HPSE2: variants seen among roughly 807,000 people sequenced by gnomAD.
The protein encoded by HPSE2 is inactive heparanase-2.
In HPSE2, 38 loss-of-function variants were observed where a neutral mutation model predicts 60.5. That is an observed-to-expected ratio of 0.63 (90% CI 0.48 to 0.82). The LOEUF is 0.82. HPSE2 is among the 40% of genes least tolerant of loss of function. HPSE2 has a pLI of 0.00. For missense variants in HPSE2, 713 were observed against 740.4 expected (o/e 0.96, Z 0.43); for synonymous variants, 295 against 293.2 (o/e 1.01, Z -0.06).
chr10:98,926,965 G>C (rs989166216), intron 3 of HPSE2, among the ~76,000 whole-genome samples: 6 of 152,154 alleles, frequency 3.9e-5, no homozygotes, highest in Admixed American at 6.5e-5. Flanking sequence ...TTGCACTGGG[G>C]TCTGAGAGAC....
At chr10:98,806,974 T>C (rs1589858343) in intron 3 of HPSE2, among the ~76,000 whole-genome samples, 1 of 152,140 alleles carries the variant, frequency 6.6e-6, no homozygotes, top group South Asian at 2.1e-4. Context: ...AAACCCCATC[T>C]CTACTAAAAA....
chr10:98,743,793 C>G, intron 4 of HPSE2, 90 bp downstream of exon 4: 2 of 1,200,670 alleles, frequency 1.7e-6, no homozygotes, highest in Non-Finnish European at 2.5e-6. Context: ...GGCCAGGGTA[C>G]TAGAGATGGT....
intron 3 of HPSE2, among the ~76,000 whole-genome samples, chr10:98,973,398 A>G (rs1956007019): frequency 1.3e-5 from 2 of 152,348 alleles, no homozygotes; most frequent in South Asian, 4.1e-4. Context: ...AGCATCTTTC[A>G]TAAGAAAGCT....
chr10:98,709,998 T>A (rs1245714457), intron 5 of HPSE2, among the ~76,000 whole-genome samples: 1 of 152,208 alleles, frequency 6.6e-6, no homozygotes, highest in Non-Finnish European at 1.5e-5. Context: ...ACAAAGAGAA[T>A]CTTTGGTTAT....
At chr10:98,624,928 C>G (rs550084905) in intron 7 of HPSE2, among the ~76,000 whole-genome samples, 45 of 152,180 alleles carry the variant, frequency 3.0e-4, no homozygotes, top group Non-Finnish European at 6.5e-4. Flanking sequence ...ATTATTCTTA[C>G]GGTTTGGTGG....
At position 98,881,738 on chromosome 10, in the gene HPSE2, G is replaced by A. The variant is rs181249102; in HGVS notation, c.611-137682C>T. Among the ~76,000 whole-genome samples, 8 of 152,118 alleles carry A rather than the reference G, an allele frequency of 5.3e-5. No homozygotes were observed. The East Asian group carries it at 7.7e-4, about 15-fold the overall frequency. On this transcript the variant is annotated intron_variant, in intron 3 of 11. Transcript: ENST00000370552. ...GAACAATCAAAATGGAGAAGAACCCGAAATCACTGTGATGATGTTTAGTTA... is the reference window on the plus strand; with the variant it reads ...GAACAATCAAAATGGAGAAGAACCCAAAATCACTGTGATGATGTTTAGTTA...
chr10:98,713,771 A>G (rs1333234715), intron 5 of HPSE2, among the ~76,000 whole-genome samples: 1 of 151,938 alleles, frequency 6.6e-6, no homozygotes, highest in Non-Finnish European at 1.5e-5. Flanking sequence ...TATTCTCCAG[A>G]GCATACTTAA....
chr10:99,093,298 A>G lies in HPSE2; in HGVS notation c.610+50940T>C, dbSNP rs1482000067. Among the ~76,000 whole-genome samples the G allele has an allele frequency of 2.0e-5, 3 of 152,220 alleles. No homozygotes were observed. In the East Asian group the frequency reaches 5.8e-4, roughly 29 times the overall value. On this transcript the variant is annotated intron_variant, in intron 3 of 11. Coordinates refer to ENST00000370552, the MANE Select transcript of HPSE2 (RefSeq NM_021828.5). ...CAGCTCTGTTAACTAGCTATCAATC[A>G]TAACTGTCTTGTTAAAATTTTTGCA...
intron 9 of HPSE2, among the ~76,000 whole-genome samples, chr10:98,522,620 G>A (rs528252496): frequency 6.6e-6 from 1 of 152,074 alleles, no homozygotes; most frequent in Non-Finnish European, 1.5e-5. Context: ...GATTACAGGC[G>A]CCCACCACAA....
chr10:98,723,866 T>A (rs548539838), intron 4 of HPSE2, among the ~76,000 whole-genome samples: 1 of 152,312 alleles, frequency 6.6e-6, no homozygotes, highest in South Asian at 2.1e-4. Flanking sequence ...TTCTTCTTTA[T>A]TAGTCTTGCT....
intron 3 of HPSE2, among the ~76,000 whole-genome samples, chr10:98,940,592 T>C (rs1216786800): frequency 4.2e-5 from 6 of 141,322 alleles, no homozygotes; most frequent in African/African-American, 1.5e-4. Context: ...CAATAATCAA[T>C]AGCTTACCAA....
chr10:98,603,959 G>T (rs930890793), intron 9 of HPSE2, among the ~76,000 whole-genome samples: 29 of 152,134 alleles, frequency 1.9e-4, no homozygotes, highest in Admixed American at 1.8e-3. Context: ...GAAGTTCACA[G>T]TCCAAAGGCA....
At chr10:99,102,778 C>T (rs376940278) in intron 3 of HPSE2, among the ~76,000 whole-genome samples, 22 of 152,072 alleles carry the variant, frequency 1.4e-4, no homozygotes, top group Admixed American at 1.0e-3. Context: ...AAAAAGCTTA[C>T]CCACCATGAT....
chr10:98,721,277 A>G (rs1948916440), intron 5 of HPSE2, among the ~76,000 whole-genome samples: 1 of 152,092 alleles, frequency 6.6e-6, no homozygotes, highest in Non-Finnish European at 1.5e-5. Context: ...TTGCTGGCCA[A>G]GATTTTGTAA....
Position 98,721,733 on chromosome 10 carries a change from G to T in HPSE2, c.880C>A (p.Arg294=). The change falls in exon 5 of 12, where the codon CGG becomes AGG. Residue 294 remains arginine (R), a synonymous_variant. Coordinates refer to ENST00000370552, the MANE Select transcript of HPSE2 (RefSeq NM_021828.5). ...TATAAGCTGGCTCTGGAATAAATCC[G>T]GATGGGCTGCAACAGGCTCTTCAGC... ...IQLKSLLQPI[R]IYSRASLYGP... 1 of 1,613,570 alleles carries T rather than the reference G, an allele frequency of 6.2e-7. No individual in the cohort carries two copies. The highest frequency in any genetic ancestry group is 8.5e-7 in the Non-Finnish European group (1 of 1,179,862).
intron 3 of HPSE2, among the ~76,000 whole-genome samples, chr10:98,954,091 G>T (rs1207446482): frequency 6.6e-6 from 1 of 152,128 alleles, no homozygotes; most frequent in South Asian, 2.1e-4. Flanking sequence ...GGATCACAAG[G>T]TCAGGAGTTC....
At chr10:98,534,690 C>T (rs1943229489) in intron 9 of HPSE2, among the ~76,000 whole-genome samples, 1 of 152,234 alleles carries the variant, frequency 6.6e-6, no homozygotes, top group Admixed American at 6.5e-5. Flanking sequence ...CAGGCATGAA[C>T]CACCGTACCC....
chr10:99,259,308 C>A, the HPSE2 span, among the ~76,000 whole-genome samples: 143 of 134,164 alleles, frequency 1.1e-3, no homozygotes, highest in Admixed American at 1.5e-3. Flanking sequence ...CCCCCCCCAC[C>A]AAAAAAAAAA....
chr10:98,571,263 G>A (rs1944484722), intron 9 of HPSE2, among the ~76,000 whole-genome samples: 2 of 152,062 alleles, frequency 1.3e-5, no homozygotes, highest in South Asian at 4.1e-4. Flanking sequence ...CAGCACTTTG[G>A]GAGGCCAAGG....
Sources: allele counts gnomAD v4.1 joint callset (sites outside exome capture counted in the v4.1 genomes callset), GRCh38; gene constraint gnomAD v4.1.1; transcripts MANE v1.5; gene names NCBI Gene and HGNC (gene_info 2026-07-23, HGNC 2026-07-21).